The following IRF2BP1 variants were observed in gnomAD, a reference collection of about 807,000 sequenced individuals.
IRF2BP1 encodes interferon regulatory factor 2-binding protein 1.
In IRF2BP1, 9 loss-of-function variants were observed where a neutral mutation model predicts 38.6. The ratio of observed to expected loss-of-function variants is 0.23; its 90% CI spans 0.14 to 0.41. IRF2BP1 has a LOEUF of 0.41. Among genes scored for constraint, IRF2BP1 ranks in the 10% least tolerant of loss-of-function variants. The probability of loss-of-function intolerance (pLI) is 1.00; values close to 1 mark genes in which losing one functional copy is unlikely to be tolerated. For synonymous variants in IRF2BP1, 416 were observed against 383.4 expected (o/e 1.08, Z -0.99); for missense variants, 631 against 829.6 (o/e 0.76, Z 2.94).
rs1394614111 is a variant in IRF2BP1, at chr19:45,884,499, G to A, written c.1276C>T (p.Leu426=). 4 of 1,600,282 alleles carry A rather than the reference G, an allele frequency of 2.5e-6. No individual in the cohort carries two copies. The highest frequency in any genetic ancestry group is 3.4e-6 in the Non-Finnish European group (4 of 1,179,470). ...TPGVPSPIAA[L]KNVAEALGHS... is the part of the protein sequence containing the mutation. ...CCCAGGGCTTCGGCCACATTCTTCA[G>A]GGCGGCAATGGGCGAGGGCACACCA... The change falls in exon 1 of 1, where the codon CTG becomes TTG. Residue 426 remains leucine (L), a synonymous_variant. Transcript: ENST00000302165.
Position 45,885,311 on chromosome 19 carries a change from A to C in IRF2BP1, c.464T>G (p.Leu155Arg). 1 of 1,605,202 alleles carries C rather than the reference A, an allele frequency of 6.2e-7. No homozygotes were observed. Among genetic ancestry groups the C allele is most frequent in the Non-Finnish European group, 8.5e-7 (1 of 1,179,854 alleles). ...AVAEGARRAL[L>R]GSMPGLMPPG... is the part of the protein sequence containing the mutation. ...GGGCATCAAGCCAGGCATGGAGCCA[A>C]GCAAGGCCCTTCGCGCCCCCTCAGC... Residue 155 changes from leucine to arginine, a missense_variant, in exon 1 of 1, where the codon CTT becomes CGT. Leu to Arg is a moderately radical substitution (Grantham distance 102). Coordinates refer to ENST00000302165, the MANE Select transcript of IRF2BP1 (RefSeq NM_015649.3).
At position 45,883,949 on chromosome 19, in the gene IRF2BP1, G is replaced by A. The variant is rs751500639; in HGVS notation, c.*71C>T. On this transcript the variant is annotated 3_prime_UTR_variant, in exon 1 of 1. Coordinates refer to ENST00000302165, the MANE Select transcript of IRF2BP1 (RefSeq NM_015649.3). ...AGGTGGCACTGGGCTGGGTCGGGGA[G>A]GGAATAATTTATCCGCGGCAGCGGT... is the stretch of plus-strand genomic sequence containing the variant. The A allele has an allele frequency of 3.5e-4, 491 of 1,405,964 alleles. 1 individual carries two copies. The highest frequency in any genetic ancestry group is 4.5e-4 in the Non-Finnish European group (471 of 1,051,592). 87.1% of individuals were successfully genotyped at this position (1,405,964 alleles called of 1,614,324 possible).
chr19:45,885,452 C>A lies in IRF2BP1; in HGVS notation c.323G>T (p.Gly108Val), dbSNP rs751197399. Residue 108 changes from glycine to valine, a missense_variant, in exon 1 of 1, where the codon GGC becomes GTC. Gly to Val is a moderately radical substitution (Grantham distance 109). This residue lies in a region of IRF2BP1 where 206 missense variants were observed against 207.0 expected (regional missense o/e 1.00). Coordinates refer to ENST00000302165, the MANE Select transcript of IRF2BP1 (RefSeq NM_015649.3). ...TGTGGCCCTGTCATAGCGGTCCTGG[C>A]CCGACACGCCGCCGCCGGTCCCTGA... is the stretch of plus-strand genomic sequence containing the variant. ...QPSGTGGGVSGQDRYDRATSS... is the reference protein window; with the variant it reads ...QPSGTGGGVSVQDRYDRATSS... 10 of 1,499,374 alleles carry A rather than the reference C, an allele frequency of 6.7e-6. No homozygotes were observed. Among genetic ancestry groups the A allele is most frequent in the Non-Finnish European group, 8.0e-6 (9 of 1,129,358 alleles). 92.9% of individuals were successfully genotyped at this position (1,499,374 alleles called of 1,614,324 possible).
chr19:45,885,568 G>T lies in IRF2BP1; in HGVS notation c.207C>A (p.Pro69=). The T allele has an allele frequency of 6.8e-7, 1 of 1,476,306 alleles. No individual in the cohort carries two copies. Among genetic ancestry groups the T allele is most frequent in the Non-Finnish European group, 8.9e-7 (1 of 1,119,018 alleles). 91.5% of individuals were successfully genotyped at this position (1,476,306 alleles called of 1,614,324 possible). The change falls in exon 1 of 1, where the codon CCC becomes CCA. Residue 69 remains proline, a synonymous_variant. Transcript: ENST00000302165. ...HVLPEGRSPG[P]PALKHPATKD... ...TGGTGGCCGGGTGCTTAAGGGCCGG[G>T]GGCCCGGGCGAGCGGCCCTCGGGGA...
chr19:45,885,732 A>C lies in IRF2BP1; in HGVS notation c.43T>G (p.Cys15Gly), dbSNP rs1276793489. The change falls in exon 1 of 1, where the codon TGC (cysteine) becomes GGC (glycine). Residue 15 changes from cysteine to glycine, a missense_variant. Physicochemically the swap from Cys to Gly is radical, Grantham distance 159 (BLOSUM62 -3). This residue lies in a region of IRF2BP1 where 33 missense variants were observed against 66.8 expected (regional missense o/e 0.49). Coordinates refer to ENST00000302165, the MANE Select transcript of IRF2BP1 (RefSeq NM_015649.3). ...GCCCACGGCATCTTGGGCAGGTCGCACAGGTAGCACCACTGGCGGCGGGAC... is the reference window on the plus strand; with the variant it reads ...GCCCACGGCATCTTGGGCAGGTCGCCCAGGTAGCACCACTGGCGGCGGGAC... Reference protein sequence around the residue: ...QASRRQWCYLCDLPKMPWAMV... With the variant: ...QASRRQWCYLGDLPKMPWAMV... 6.3e-7 allele frequency: 1 copy of C among 1,583,696 alleles called. No individual in the cohort carries two copies. Among genetic ancestry groups the C allele is most frequent in the South Asian group, 1.1e-5 (1 of 89,886 alleles).
Position 45,885,934 on chromosome 19 carries a change from C to G in IRF2BP1, c.-160G>C. On this transcript the variant is annotated 5_prime_UTR_variant, in exon 1 of 1. Transcript: ENST00000302165. Reference sequence around the variant, plus strand: ...ATCCAGGCCCGGCCCCCCTTCCCCGCCCCCTGGGCCCTAAGCCTTTCTGCT... The same window carrying G: ...ATCCAGGCCCGGCCCCCCTTCCCCGGCCCCTGGGCCCTAAGCCTTTCTGCT... 1.2e-6 allele frequency: 1 copy of G among 801,754 alleles called. No individual in the cohort carries two copies. Among genetic ancestry groups the G allele is most frequent in the Non-Finnish European group, 1.8e-6 (1 of 558,790 alleles). 49.7% of individuals were successfully genotyped at this position (801,754 alleles called of 1,614,324 possible). A position where few individuals can be genotyped will look rare whatever the true frequency, so the allele number is the denominator to read the frequency against.
At position 45,884,359 on chromosome 19, in the gene IRF2BP1, G is replaced by T. The variant is rs754686807; in HGVS notation, c.1416C>A (p.Asn472Lys). ...PPTQHRLVAR[N>K]GEAEVSPTAG... ...CTGTGGGACTGACTTCTGCTTCGCC[G>T]TTGCGGGCCACAAGGCGATGCTGGG... Residue 472 changes from asparagine to lysine, a missense_variant, in exon 1 of 1, where the codon AAC (asparagine) becomes AAA (lysine). This residue lies in a region of IRF2BP1 where 201 missense variants were observed against 215.3 expected (regional missense o/e 0.93). Transcript: ENST00000302165. 1 of 1,607,838 alleles carries T rather than the reference G, an allele frequency of 6.2e-7. No individual in the cohort carries two copies. Among genetic ancestry groups the T allele is most frequent in the South Asian group, 1.1e-5 (1 of 90,826 alleles).
In IRF2BP1 at chr19:45,884,756, C is replaced by G. The variant is rs780024908; in HGVS notation, c.1019G>C (p.Ser340Thr). The change falls in exon 1 of 1, where the codon AGC becomes ACC. Residue 340 changes from serine (S) to threonine (T), a missense_variant. Physicochemically the swap from Ser to Thr is moderately conservative, Grantham distance 58. Transcript: ENST00000302165. ...LGELLTDGVRSFREPAPAEAL... is the reference protein window; with the variant it reads ...LGELLTDGVRTFREPAPAEAL... ...CTCCGCGGGAGCTGGCTCGCGGAAG[C>G]TGCGGACGCCGTCGGTAAGCAGCTC... 1.1e-5 allele frequency: 17 copies of G among 1,611,876 alleles called. No homozygotes were observed. In the South Asian group the frequency reaches 1.2e-4, roughly 11 times the overall value.
At position 45,885,622 on chromosome 19, in the gene IRF2BP1, G is replaced by T; in HGVS notation, c.153C>A (p.Ala51=). The T allele has an allele frequency of 6.5e-7, 1 of 1,545,480 alleles. No homozygotes were observed. Among genetic ancestry groups the T allele is most frequent in the Non-Finnish European group, 8.6e-7 (1 of 1,157,556 alleles). Reference sequence around the variant, plus strand: ...CGTGGCTGCGCTTGAGCTGGCGGGCGGCATCGATGAGCAGTTCGATGCGGT... The same window carrying T: ...CGTGGCTGCGCTTGAGCTGGCGGGCTGCATCGATGAGCAGTTCGATGCGGT... The part of the protein sequence containing the change: ...GADRIELLID[A]ARQLKRSHVL... Residue 51 remains alanine, a synonymous_variant, in exon 1 of 1, where the codon GCC becomes GCA. Coordinates refer to ENST00000302165, the MANE Select transcript of IRF2BP1 (RefSeq NM_015649.3).
In IRF2BP1 at chr19:45,883,820, A is replaced by C. The variant is rs1967019035; in HGVS notation, c.*200T>G. On this transcript the variant is annotated 3_prime_UTR_variant, in exon 1 of 1. Transcript: ENST00000302165. Reference sequence around the variant, plus strand: ...GAAACTGGAGGGGCCAAGGGACCCCAAACACCCCCTCGGACAGGAGCCACA... The same window carrying C: ...GAAACTGGAGGGGCCAAGGGACCCCCAACACCCCCTCGGACAGGAGCCACA... 4.0e-6 allele frequency: 2 copies of C among 501,860 alleles called. No homozygotes were observed. The highest frequency in any genetic ancestry group is 7.3e-5 in the South Asian group (2 of 27,248). 31.1% of individuals were successfully genotyped at this position (501,860 alleles called of 1,614,324 possible). A position where few individuals can be genotyped will look rare whatever the true frequency, so the allele number is the denominator to read the frequency against.
At position 45,883,984 on chromosome 19, in the gene IRF2BP1, A is replaced by C. The variant is rs373021831; in HGVS notation, c.*36T>G. ...TATCCGCGGCAGCGGTGGGTGGCAA[A>C]GGGGCAGAGGGCAGTAGCCTGGAGG... On this transcript the variant is annotated 3_prime_UTR_variant, in exon 1 of 1. Transcript: ENST00000302165. 9 of 1,505,990 alleles carry C rather than the reference A, an allele frequency of 6.0e-6. No individual in the cohort carries two copies. In the African/African-American group the frequency reaches 1.3e-4, roughly 21 times the overall value. The allele number at this position is 1,505,990 out of a possible 1,614,324, so 93.3% of individuals were successfully genotyped here. A position where few individuals can be genotyped will look rare whatever the true frequency, so the allele number is the denominator to read the frequency against.
chr19:45,885,184 CTCGAAA>C lies in IRF2BP1; in HGVS notation c.585_590del (p.Asp195_Phe196del). On this transcript the variant is annotated inframe_deletion, in exon 1 of 1. Coordinates refer to ENST00000302165, the MANE Select transcript of IRF2BP1 (RefSeq NM_015649.3). ...CCGCATTCCTCTGCTGCTTCTCTTT[CTCGAAA>C]TCGGAGCCGAAGAGGGGACGGGCAG... 6.2e-7 allele frequency: 1 copy of C among 1,609,334 alleles called. No homozygotes were observed. The highest frequency in any genetic ancestry group is 8.5e-7 in the Non-Finnish European group (1 of 1,180,024).
At position 45,884,877 on chromosome 19, in the gene IRF2BP1, C is replaced by T; in HGVS notation, c.898G>A (p.Ala300Thr). 1 of 1,613,118 alleles carries T rather than the reference C, an allele frequency of 6.2e-7. No homozygotes were observed. Among genetic ancestry groups the T allele is most frequent in the Non-Finnish European group, 8.5e-7 (1 of 1,180,028 alleles). The change falls in exon 1 of 1, where the codon GCT (alanine) becomes ACT (threonine). Residue 300 changes from alanine (A) to threonine (T), a missense_variant. Physicochemically the swap from Ala to Thr is moderately conservative, Grantham distance 58. Transcript: ENST00000302165. ...AGTGCCTTGCCCGGCTCCCGCAGAG[C>T]ATCGTGGAACATCTGGCGAGCCACT... ...LAVARQMFHD[A>T]LREPGKALAS...
chr19:45,885,051 A>G lies in IRF2BP1; in HGVS notation c.724T>C (p.Phe242Leu). The change falls in exon 1 of 1, where the codon TTC (phenylalanine) becomes CTC (leucine). Residue 242 changes from phenylalanine (F) to leucine (L), a missense_variant. Physicochemically the swap from Phe to Leu is conservative, Grantham distance 22. Coordinates refer to ENST00000302165, the MANE Select transcript of IRF2BP1 (RefSeq NM_015649.3). Reference sequence around the variant, plus strand: ...TGATCCTTCTTGAAGCGCACATTGAACGGGGCGCAGGCGGACAGCGCCAGT... The same window carrying G: ...TGATCCTTCTTGAAGCGCACATTGAGCGGGGCGCAGGCGGACAGCGCCAGT... The part of the protein sequence containing the change: ...QLLALSACAP[F>L]NVRFKKDHGL... The G allele has an allele frequency of 6.2e-7, 1 of 1,613,046 alleles. No homozygotes were observed. Among genetic ancestry groups the G allele is most frequent in the Non-Finnish European group, 8.5e-7 (1 of 1,180,032 alleles).
Position 45,885,628 on chromosome 19 carries a change from G to A in IRF2BP1, c.147C>T (p.Ile49=), listed in dbSNP as rs1233351999. 2 of 1,553,876 alleles carry A rather than the reference G, an allele frequency of 1.3e-6. No homozygotes were observed. Among genetic ancestry groups the A allele is most frequent in the Admixed American group, 1.8e-5 (1 of 54,096 alleles). The change falls in exon 1 of 1, where the codon ATC becomes ATT. Residue 49 remains isoleucine (I), a synonymous_variant. Coordinates refer to ENST00000302165, the MANE Select transcript of IRF2BP1 (RefSeq NM_015649.3). Reference sequence around the variant, plus strand: ...TGCGCTTGAGCTGGCGGGCGGCATCGATGAGCAGTTCGATGCGGTCCGCGC... The same window carrying A: ...TGCGCTTGAGCTGGCGGGCGGCATCAATGAGCAGTTCGATGCGGTCCGCGC... ...FEGADRIELL[I]DAARQLKRSH...
Position 45,884,297 on chromosome 19 carries a change from G to C in IRF2BP1, c.1478C>G (p.Thr493Ser). The change falls in exon 1 of 1, where the codon ACT (threonine) becomes AGT (serine). Residue 493 changes from threonine (T) to serine (S), a missense_variant. Physicochemically the swap from Thr to Ser is moderately conservative, Grantham distance 58 (BLOSUM62 1). Transcript: ENST00000302165. ...AEAVSGGGSGTGATPGAPLCC... is the reference protein window; with the variant it reads ...AEAVSGGGSGSGATPGAPLCC... ...CAGGGGGGCCCCAGGGGTCGCCCCA[G>C]TGCCGCTGCCACCCCCGCTGACAGC... 1.2e-6 allele frequency: 2 copies of C among 1,610,344 alleles called. No homozygotes were observed. The highest frequency in any genetic ancestry group is 1.7e-6 in the Non-Finnish European group (2 of 1,179,036).
At position 45,885,236 on chromosome 19, in the gene IRF2BP1, G is replaced by A. The variant is rs747575166; in HGVS notation, c.539C>T (p.Thr180Met). Residue 180 changes from threonine to methionine, a missense_variant, in exon 1 of 1, where the codon ACG becomes ATG. Thr to Met is a moderately conservative substitution (Grantham distance 81, BLOSUM62 -1). Coordinates refer to ENST00000302165, the MANE Select transcript of IRF2BP1 (RefSeq NM_015649.3). The part of the protein sequence containing the change: ...AVSGLGSRGL[T>M]LAPGLSPARP... ...GGCAGGACTCAAGCCGGGTGCCAGC[G>A]TCAGGCCTCGGCTTCCCAGGCCAGA... 18 of 1,604,252 alleles carry A rather than the reference G, an allele frequency of 1.1e-5. 1 individual carries two copies. The Admixed American group carries it at 2.3e-4, about 21-fold the overall frequency.
At position 45,884,613 on chromosome 19, in the gene IRF2BP1, C is replaced by G; in HGVS notation, c.1162G>C (p.Glu388Gln). The G allele has an allele frequency of 6.3e-7, 1 of 1,599,618 alleles. No individual in the cohort carries two copies. Among genetic ancestry groups the G allele is most frequent in the Non-Finnish European group, 8.5e-7 (1 of 1,179,146 alleles). Residue 388 changes from glutamate (E) to glutamine (Q), a missense_variant, in exon 1 of 1, where the codon GAG (glutamate) becomes CAG (glutamine). By Grantham distance (29) the Glu-to-Gln change is conservative (BLOSUM62 2). Coordinates refer to ENST00000302165, the MANE Select transcript of IRF2BP1 (RefSeq NM_015649.3). ...GTCATCTTCCCAGCCGCCTCGCCCT[C>G]CGGCTCGGGGGATGCCTTGCGACGG... The part of the protein sequence containing the change: ...PRRRKASPEP[E>Q]GEAAGKMTTE...
rs1474828990 is a variant in IRF2BP1, at chr19:45,885,776, GC to G, written c.-3del. 1 of 1,539,852 alleles carries G rather than the reference GC, an allele frequency of 6.5e-7. No homozygotes were observed. Among genetic ancestry groups the G allele is most frequent in the Non-Finnish European group, 8.7e-7 (1 of 1,154,680 alleles). ...GCGGGACGCCTGCACAGACGCCATGGCCCCAGTCCGCGCGCCGCCCAGCTCC... is the reference window on the plus strand; with the variant it reads ...GCGGGACGCCTGCACAGACGCCATGGCCCAGTCCGCGCGCCGCCCAGCTCC... On this transcript the variant is annotated 5_prime_UTR_variant, in exon 1 of 1. Coordinates refer to ENST00000302165, the MANE Select transcript of IRF2BP1 (RefSeq NM_015649.3).
Sources: gnomAD v4.1 joint callset for allele counts on GRCh38, gnomAD v4.1.1 for gene constraint, gnomAD v4.1.1 regional missense constraint, MANE v1.5 for transcripts, NCBI Gene and HGNC (gene_info 2026-07-23, HGNC 2026-07-21) for gene names.